Variants in CSMD1 observed in about 807,000 individuals in gnomAD.
CSMD1 encodes the protein CUB and sushi domain-containing protein 1.
A neutral mutation model predicts 417.5 loss-of-function variants in CSMD1; 213 were observed. The observed-to-expected ratio is 0.51, with a 90% CI of 0.46 to 0.57. CSMD1 has a LOEUF of 0.57. Among genes scored for constraint, CSMD1 ranks in the 20% least tolerant of loss-of-function variants. CSMD1 has a pLI of 0.00. For synonymous variants in CSMD1, 2,862 were observed against 1,736.8 expected, an observed-to-expected ratio of 1.65 and a Z score of -16.11; for missense variants, 6,923 against 4,529.7, an observed-to-expected ratio of 1.53 and a Z score of -15.17.
At chr8:4,342,207 GTGTGTGTGTGTGTGTGTGTGTGTGTC>G (rs1167913284) in intron 3 of CSMD1, among the ~76,000 whole-genome samples, 2 of 4,978 alleles carry the variant, frequency 4.0e-4, no homozygotes, top group African/African-American at 6.5e-3. Context: ...TGCTGTGTCT[GTGTGTGTGTGTGTGTGTGTGTGTGTC>G]TGTGTGTGTG....
At chr8:4,236,923 A>C (rs1802100272) in intron 3 of CSMD1, among the ~76,000 whole-genome samples, 1 of 152,224 alleles carries the variant, frequency 6.6e-6, no homozygotes, top group Non-Finnish European at 1.5e-5. Flanking sequence ...CTAAAATTGT[A>C]ATCAGAAACA....
At chr8:3,836,561 G>C (rs893904140) in intron 5 of CSMD1, among the ~76,000 whole-genome samples, 2 of 152,090 alleles carry the variant, frequency 1.3e-5, no homozygotes, top group African/African-American at 2.4e-5. Flanking sequence ...CAGAAAAGTG[G>C]TGATATTGAA....
intron 7 of CSMD1, among the ~76,000 whole-genome samples, chr8:3,680,277 G>T (rs373110444): frequency 6.6e-6 from 1 of 152,058 alleles, no homozygotes; most frequent in African/African-American, 2.4e-5. Flanking sequence ...CAACAAAATT[G>T]ATAGACCACT....
At chr8:4,875,089 G>A (rs1038072692) in intron 1 of CSMD1, among the ~76,000 whole-genome samples, 18 of 149,852 alleles carry the variant, frequency 1.2e-4, no homozygotes, top group African/African-American at 4.2e-4. Flanking sequence ...AATCTTTCCT[G>A]GTATTTGGAA....
intron 3 of CSMD1, among the ~76,000 whole-genome samples, chr8:4,369,855 C>A (rs1802300666): frequency 6.6e-6 from 1 of 152,158 alleles, no homozygotes. Flanking sequence ...ATCTGGAAGA[C>A]AGCAGAGAGT....
intron 11 of CSMD1, among the ~76,000 whole-genome samples, chr8:3,481,879 G>C (rs955351191): frequency 3.3e-5 from 5 of 152,154 alleles, no homozygotes; most frequent in African/African-American, 4.8e-5. Context: ...TGGACTTCTG[G>C]TTTCCAGAAC....
intron 5 of CSMD1, among the ~76,000 whole-genome samples, chr8:3,771,018 C>CTG (rs140421453): frequency 0.16 from 24,008 of 150,880 alleles, 2,736 homozygotes; most frequent in African/African-American, 0.31. Context: ...GTCAGTGTGT[C>CTG]TGTGTGTGTG....
At chr8:3,133,183 C>G (rs1270472358) in intron 41 of CSMD1, among the ~76,000 whole-genome samples, 7 of 151,954 alleles carry the variant, frequency 4.6e-5, no homozygotes, top group Non-Finnish European at 8.8e-5. Context: ...CCTGGGGCCC[C>G]TTCTTGGCTG....
intron 3 of CSMD1, among the ~76,000 whole-genome samples, chr8:4,077,296 T>TACATATATATATATATATG (rs1563092756): frequency 3.5e-5 from 3 of 85,342 alleles, no homozygotes; most frequent in African/African-American, 1.3e-4. Flanking sequence ...TATATATATG[T>TACATATATATATATATATG]GTATATATAT....
At chr8:3,201,829 T>C in intron 31 of CSMD1, 104 bp from the exon 32 acceptor site, 1 of 445,378 alleles carries the variant, frequency 2.2e-6, no homozygotes, top group Non-Finnish European at 3.7e-6. Context: ...TGGATCATTA[T>C]CCTAAGAATT....
chr8:3,832,784 C>A (rs1286244746), intron 5 of CSMD1, among the ~76,000 whole-genome samples: 1 of 152,008 alleles, frequency 6.6e-6, no homozygotes, highest in African/African-American at 2.4e-5. Flanking sequence ...CCATCTGATC[C>A]AGATTAGAAA....
At chr8:3,103,399 G>C (rs557391655) in intron 46 of CSMD1, among the ~76,000 whole-genome samples, 1 of 152,242 alleles carries the variant, frequency 6.6e-6, no homozygotes, top group East Asian at 1.9e-4. Flanking sequence ...AAGCCATATG[G>C]TGTAGCCTAT....
At chr8:4,454,547 A>AGC (rs751892419) in intron 2 of CSMD1, among the ~76,000 whole-genome samples, 15 of 152,196 alleles carry the variant, frequency 9.9e-5, no homozygotes, top group Non-Finnish European at 2.1e-4. Flanking sequence ...TCTAATACAG[A>AGC]GCACCTTTGC....
At chr8:4,119,780 G>C (rs1200820302) in intron 3 of CSMD1, among the ~76,000 whole-genome samples, 1 of 152,134 alleles carries the variant, frequency 6.6e-6, no homozygotes, top group Non-Finnish European at 1.5e-5. Flanking sequence ...ACAGCAGCCT[G>C]AGCTGAGTAA....
intron 2 of CSMD1, among the ~76,000 whole-genome samples, chr8:4,603,965 A>C (rs1368538251): frequency 6.6e-6 from 1 of 152,170 alleles, no homozygotes; most frequent in African/African-American, 2.4e-5. Context: ...ATACATTTCT[A>C]AATTACAAAT....
At chr8:4,246,955 T>A (rs910957002) in intron 3 of CSMD1, among the ~76,000 whole-genome samples, 1 of 152,174 alleles carries the variant, frequency 6.6e-6, no homozygotes, top group East Asian at 1.9e-4. Context: ...TTGAAAACTA[T>A]GGAAACACTT....
At chr8:3,465,534 C>T (rs538705008) in intron 12 of CSMD1, among the ~76,000 whole-genome samples, 25 of 152,236 alleles carry the variant, frequency 1.6e-4, no homozygotes, top group African/African-American at 5.8e-4. Flanking sequence ...GGAAAGCATC[C>T]TCCAGGGAGA....
chr8:4,780,580 T>C (rs1797104662), intron 1 of CSMD1, among the ~76,000 whole-genome samples: 1 of 151,068 alleles, frequency 6.6e-6, no homozygotes, highest in African/African-American at 2.4e-5. Context: ...TATTTATTTT[T>C]TTCCATAAGT....
At chr8:4,039,371 C>G (rs901447991) in intron 3 of CSMD1, among the ~76,000 whole-genome samples, 4 of 152,194 alleles carry the variant, frequency 2.6e-5, no homozygotes, top group Non-Finnish European at 5.9e-5. Context: ...CCCACTCTCT[C>G]TCCTGGCTTT....
Sources: gnomAD v4.1 joint callset for allele counts (sites outside exome capture counted in the v4.1 genomes callset) on GRCh38, gnomAD v4.1.1 for gene constraint, MANE v1.5 for transcripts, NCBI Gene and HGNC (gene_info 2026-07-23, HGNC 2026-07-21) for gene names.